Variants in IRAK1BP1 observed in about 807,000 individuals in gnomAD.
The protein encoded by IRAK1BP1 is interleukin 1 receptor associated kinase 1 binding protein 1, also known as interleukin-1 receptor-associated kinase 1-binding protein 1.
IRAK1BP1 carries 24 observed loss-of-function variants against 28.0 expected under a neutral mutation model. The observed-to-expected ratio is 0.86, with a 90% confidence interval of 0.62 to 1.20. The LOEUF is 1.20. IRAK1BP1 is among the 50% of genes most tolerant of loss of function. The pLI, the probability that IRAK1BP1 is intolerant of heterozygous loss-of-function variation, is 0.00. For missense variants in IRAK1BP1, 336 were observed against 316.7 expected (o/e 1.06, Z -0.46); for synonymous variants, 131 against 116.3 (o/e 1.13, Z -0.81).
At position 78,898,337 on chromosome 6, in the gene IRAK1BP1, T is replaced by C; in HGVS notation, c.*3T>C. 1.3e-6 allele frequency: 2 copies of C among 1,481,688 alleles called. No individual in the cohort carries two copies. The highest frequency in any genetic ancestry group is 1.8e-6 in the Non-Finnish European group (2 of 1,087,984). 91.8% of individuals were successfully genotyped at this position (1,481,688 alleles called of 1,614,324 possible). A position where few individuals can be genotyped will look rare whatever the true frequency, so the allele number is the denominator to read the frequency against. On this transcript the variant is annotated 3_prime_UTR_variant, in exon 4 of 4. Coordinates refer to ENST00000369940, the MANE Select transcript of IRAK1BP1 (RefSeq NM_001010844.4). ...AGAAGAGAAAAAAGCACCTTTGAAA[T>C]TCCAAACAAATTATATTGTACTTGT...
the IRAK1BP1 span, among the ~76,000 whole-genome samples, chr6:78,960,063 C>T: frequency 6.6e-6 from 1 of 152,064 alleles, no homozygotes; most frequent in Non-Finnish European, 1.5e-5. Flanking sequence ...AGCTCACTGA[C>T]ATCGCTCAGC....
At chr6:78,968,527 C>A in the IRAK1BP1 span, among the ~76,000 whole-genome samples, 4 of 152,114 alleles carry the variant, frequency 2.6e-5, no homozygotes, top group Admixed American at 6.5e-5. Context: ...CCTATGTATG[C>A]AAAGATTTTG....
chr6:78,914,276 C>T (rs1373871391), intron 4 of IRAK1BP1, among the ~76,000 whole-genome samples: 2 of 152,168 alleles, frequency 1.3e-5, no homozygotes, highest in Non-Finnish European at 2.9e-5. Flanking sequence ...CAAAGATTAA[C>T]TTTTTAAAAC....
In IRAK1BP1 at chr6:78,943,990, T is replaced by TAAAAA. The variant is rs558983037; in HGVS notation, c.*68-1399_*68-1395dup. On this transcript the variant is annotated intron_variant and NMD_transcript_variant, in intron 4 of 4. Transcript: ENST00000606868. ...GACAGAGCAAGATCCTGTCTTTTTT[T>TAAAAA]AAAAAAAAAAAAAAAAAAAAAAAGG... 3.2e-3 allele frequency among the ~76,000 whole-genome samples: 251 copies of TAAAAA among 78,126 alleles called. 2 individuals carry two copies. The highest frequency in any genetic ancestry group is 3.9e-3 in the Non-Finnish European group (173 of 44,240). The allele number at this position is 78,126 out of a possible 152,430, so 51.3% of individuals were successfully genotyped here. A position where few individuals can be genotyped will look rare whatever the true frequency, so the allele number is the denominator to read the frequency against.
chr6:78,975,053 G>A, the IRAK1BP1 span, among the ~76,000 whole-genome samples: 8 of 150,542 alleles, frequency 5.3e-5, no homozygotes, highest in Middle Eastern at 3.2e-3. Flanking sequence ...TACCAAAGCT[G>A]GGCAGAGACA....
chr6:78,970,456 T>C, the IRAK1BP1 span, among the ~76,000 whole-genome samples: 278 of 152,270 alleles, frequency 1.8e-3, no homozygotes, highest in Non-Finnish European at 3.4e-3. Flanking sequence ...CAAAGACCTA[T>C]TGGTAACTGA....
intron 2 of IRAK1BP1, 145 bp from the exon 3 acceptor site, chr6:78,897,684 A>C (rs1355173274): frequency 2.0e-6 from 1 of 497,772 alleles, no homozygotes; most frequent in Non-Finnish European, 3.3e-6. Context: ...TAATTTAGTT[A>C]TAAGTATCAA....
At chr6:78,963,291 C>T in the IRAK1BP1 span, 157 of 1,520,108 alleles carry the variant, frequency 1.0e-4, 1 homozygote, top group Non-Finnish European at 1.4e-4. Context: ...TACATGGTAA[C>T]TTATTAGTAT....
In IRAK1BP1 at chr6:78,925,194, A is replaced by G. The variant is rs536261146; in HGVS notation, c.*68-20214A>G. Among the ~76,000 whole-genome samples, 280 of 152,278 alleles carry G rather than the reference A, an allele frequency of 1.8e-3. 1 individual carries two copies. The highest frequency in any genetic ancestry group is 2.9e-3 in the Non-Finnish European group (200 of 68,028). ...TGGGGTGGGGGTATGGGGGAGGGAT[A>G]GCACTGGGAGATATACCTAATGTTA... On this transcript the variant is annotated intron_variant and NMD_transcript_variant, in intron 4 of 4. Coordinates refer to the IRAK1BP1 transcript ENST00000606868.
the IRAK1BP1 span, among the ~76,000 whole-genome samples, chr6:78,977,015 C>A: frequency 2.0e-5 from 2 of 99,830 alleles, no homozygotes; most frequent in Non-Finnish European, 4.1e-5. Flanking sequence ...ACCCAGCCAT[C>A]CCATTACTGG....
At chr6:78,926,899 T>C (rs1236345352) in intron 4 of IRAK1BP1, among the ~76,000 whole-genome samples, 1 of 152,142 alleles carries the variant, frequency 6.6e-6, no homozygotes, top group Non-Finnish European at 1.5e-5. Context: ...TATGGCCAAA[T>C]AGTACTCCAT....
At chr6:78,971,862 T>C in the IRAK1BP1 span, among the ~76,000 whole-genome samples, 7 of 152,200 alleles carry the variant, frequency 4.6e-5, no homozygotes, top group Admixed American at 2.6e-4. Flanking sequence ...ATCCCGCACC[T>C]GGCTCGGAGG....
At chr6:78,975,133 T>C in the IRAK1BP1 span, among the ~76,000 whole-genome samples, 2 of 151,840 alleles carry the variant, frequency 1.3e-5, no homozygotes, top group Non-Finnish European at 2.9e-5. Flanking sequence ...AATAAAATAC[T>C]GGCAAACCGA....
chr6:78,957,325 A>T, the IRAK1BP1 span: 3 of 152,016 alleles, frequency 2.0e-5, no homozygotes, highest in Admixed American at 6.6e-5. Context: ...CAGACATAAG[A>T]GTCTTCAGAG....
chr6:78,971,263 T>A, the IRAK1BP1 span, among the ~76,000 whole-genome samples: 3 of 152,228 alleles, frequency 2.0e-5, no homozygotes, highest in Non-Finnish European at 4.4e-5. Flanking sequence ...AACATTGAAA[T>A]GAAAAATGTA....
the IRAK1BP1 span, among the ~76,000 whole-genome samples, chr6:78,958,779 G>A: frequency 1.2e-4 from 18 of 152,024 alleles, no homozygotes; most frequent in Non-Finnish European, 2.1e-4. Context: ...GAAAAAAAGA[G>A]GGGCAACCAT....
chr6:78,967,913 T>C, the IRAK1BP1 span, among the ~76,000 whole-genome samples: 1 of 151,894 alleles, frequency 6.6e-6, no homozygotes, highest in African/African-American at 2.4e-5. Context: ...GGCGGGCGGA[T>C]CACAAGGTCA....
the IRAK1BP1 span, among the ~76,000 whole-genome samples, chr6:78,973,270 C>A: frequency 6.6e-6 from 1 of 151,318 alleles, no homozygotes; most frequent in Non-Finnish European, 1.5e-5. Flanking sequence ...TCATATCCAG[C>A]CAAAGTAAGC....
chr6:78,972,650 T>G, the IRAK1BP1 span, among the ~76,000 whole-genome samples: 4 of 151,990 alleles, frequency 2.6e-5, no homozygotes, highest in East Asian at 7.7e-4. Flanking sequence ...GAAGAATGTG[T>G]AACTAGAATA....
Sources: allele counts gnomAD v4.1 joint callset (sites outside exome capture counted in the v4.1 genomes callset), GRCh38; gene constraint gnomAD v4.1.1; transcripts MANE v1.5; gene names NCBI Gene and HGNC (gene_info 2026-07-23, HGNC 2026-07-21).